MARCHF1: variants seen among roughly 807,000 people sequenced by gnomAD.
MARCHF1 encodes the protein E3 ubiquitin-protein ligase MARCHF1.
A neutral mutation model predicts 54.2 loss-of-function variants in MARCHF1; 40 were observed. That is an observed-to-expected ratio of 0.74 (90% CI 0.57 to 0.96). The LOEUF (loss-of-function observed/expected upper bound fraction) is 0.96. MARCHF1 is among the 40% of genes least tolerant of loss of function. The pLI, the probability that MARCHF1 is intolerant of heterozygous loss-of-function variation, is 0.00. For synonymous variants in MARCHF1, 236 were observed against 236.3 expected (o/e 1.00, Z 0.01); for missense variants, 586 against 656.5 (o/e 0.89, Z 1.17).
intron 5 of MARCHF1, among the ~76,000 whole-genome samples, chr4:163,650,264 T>C (rs1399083292): frequency 6.6e-6 from 1 of 151,868 alleles, no homozygotes; most frequent in Non-Finnish European, 1.5e-5. Flanking sequence ...ATGCAACTAA[T>C]AAAAAGGATA....
intron 1 of MARCHF1, among the ~76,000 whole-genome samples, chr4:164,140,537 T>A (rs1208116820): frequency 3.3e-5 from 5 of 152,116 alleles, no homozygotes; most frequent in African/African-American, 1.2e-4. Context: ...TACCCCTCAC[T>A]AATTCCTGTT....
intron 3 of MARCHF1, among the ~76,000 whole-genome samples, chr4:163,951,045 G>A (rs1347666443): frequency 6.6e-6 from 1 of 152,030 alleles, no homozygotes; most frequent in Non-Finnish European, 1.5e-5. Flanking sequence ...CAAAAAATGA[G>A]AGCACACAAA....
chr4:164,241,993 A>G (rs542558679), intron 1 of MARCHF1, among the ~76,000 whole-genome samples: 32 of 152,310 alleles, frequency 2.1e-4, no homozygotes, highest in Admixed American at 2.6e-4. Flanking sequence ...ACGGAGACTC[A>G]CTGATTGCTA....
chr4:163,900,442 C>T (rs918300121), intron 3 of MARCHF1, among the ~76,000 whole-genome samples: 1 of 151,828 alleles, frequency 6.6e-6, no homozygotes, highest in Non-Finnish European at 1.5e-5. Context: ...AATGCAAAAT[C>T]CTTATATAGT....
At chr4:163,974,427 T>G (rs1752610236) in intron 3 of MARCHF1, among the ~76,000 whole-genome samples, 1 of 152,196 alleles carries the variant, frequency 6.6e-6, no homozygotes, top group Non-Finnish European at 1.5e-5. Flanking sequence ...CTTAGACTCT[T>G]TGTAACCCAC....
intron 1 of MARCHF1, among the ~76,000 whole-genome samples, chr4:164,382,405 A>G (rs1416502393): frequency 6.6e-6 from 1 of 152,218 alleles, no homozygotes; most frequent in Non-Finnish European, 1.5e-5. Context: ...GCTTTCTTAT[A>G]CCATAGCATT....
chr4:163,942,151 G>A (rs894854458), intron 3 of MARCHF1, among the ~76,000 whole-genome samples: 1 of 152,092 alleles, frequency 6.6e-6, no homozygotes, highest in Non-Finnish European at 1.5e-5. Context: ...GTTACAGCCT[G>A]CTTTTATAAA....
intron 1 of MARCHF1, among the ~76,000 whole-genome samples, chr4:164,266,993 G>A (rs541092306): frequency 9.8e-5 from 15 of 152,308 alleles, no homozygotes; most frequent in African/African-American, 3.6e-4. Flanking sequence ...AGTGTGGGGT[G>A]ACATGATGTC....
At chr4:163,924,354 A>T (rs1751494405) in intron 3 of MARCHF1, among the ~76,000 whole-genome samples, 1 of 152,078 alleles carries the variant, frequency 6.6e-6, no homozygotes, top group Non-Finnish European at 1.5e-5. Flanking sequence ...AAGAAAAATC[A>T]TGAGCTAAGG....
chr4:163,625,980 C>G (rs1467729288), intron 5 of MARCHF1, among the ~76,000 whole-genome samples: 1 of 152,062 alleles, frequency 6.6e-6, no homozygotes, highest in Non-Finnish European at 1.5e-5. Context: ...ATTTGTTCAT[C>G]CCTTTATTAG....
At chr4:164,045,692 A>C (rs1321338727) in intron 2 of MARCHF1, among the ~76,000 whole-genome samples, 1 of 147,194 alleles carries the variant, frequency 6.8e-6, no homozygotes, top group Non-Finnish European at 1.5e-5. Context: ...AAAAAAAAAA[A>C]CAGCAAAATA....
chr4:163,733,159 C>T (rs1207276752), intron 4 of MARCHF1, among the ~76,000 whole-genome samples: 1 of 101,706 alleles, frequency 9.8e-6, no homozygotes, highest in East Asian at 2.6e-4. Context: ...TTCTCTCTCT[C>T]TCTCTCTCTG....
intron 8 of MARCHF1, chr4:163,585,534 T>C: frequency 5.3e-6 from 2 of 376,984 alleles, no homozygotes; most frequent in Non-Finnish European, 9.5e-6. Flanking sequence ...GAAAGTAATA[T>C]ATCAATCAGA....
intron 1 of MARCHF1, among the ~76,000 whole-genome samples, chr4:164,351,586 G>C (rs1314051599): frequency 6.6e-6 from 1 of 152,114 alleles, no homozygotes; most frequent in Non-Finnish European, 1.5e-5. Flanking sequence ...AAACAGAAAG[G>C]ACATCCACAC....
rs569344543 is a variant in MARCHF1, at chr4:163,926,289, G to A, written c.-39+62212C>T. On this transcript the variant is annotated intron_variant, in intron 3 of 9. Transcript: ENST00000514618. Reference sequence around the variant, plus strand: ...TAGTGACTGGCTGCTTTCACTTAATGTACTGTAAGATTCATCCACATTTTT... The same window carrying A: ...TAGTGACTGGCTGCTTTCACTTAATATACTGTAAGATTCATCCACATTTTT... Among the ~76,000 whole-genome samples the A allele has an allele frequency of 1.5e-3, 233 of 151,716 alleles. 1 individual carries two copies. Among genetic ancestry groups the A allele is most frequent in the African/African-American group, 5.4e-3 (226 of 41,510 alleles).
intron 3 of MARCHF1, among the ~76,000 whole-genome samples, chr4:163,960,955 C>T (rs1209184879): frequency 6.6e-6 from 1 of 151,888 alleles, no homozygotes; most frequent in Non-Finnish European, 1.5e-5. Flanking sequence ...GACAGCCACC[C>T]TGTCACTGTG....
At chr4:164,167,882 A>T (rs542371496) in intron 1 of MARCHF1, among the ~76,000 whole-genome samples, 3 of 152,012 alleles carry the variant, frequency 2.0e-5, no homozygotes, top group Non-Finnish European at 4.4e-5. Flanking sequence ...TGGATGTCAC[A>T]TTAAAAGCTC....
chr4:163,690,678 A>T (rs115537510), intron 5 of MARCHF1, among the ~76,000 whole-genome samples: 1 of 152,228 alleles, frequency 6.6e-6, no homozygotes, highest in Admixed American at 6.5e-5. Context: ...TGAAGAAAAA[A>T]GGAGGGGATA....
intron 1 of MARCHF1, among the ~76,000 whole-genome samples, chr4:164,142,986 T>C (rs1193686641): frequency 2.6e-5 from 4 of 151,726 alleles, no homozygotes; most frequent in African/African-American, 9.7e-5. Context: ...ACGGAGCTGA[T>C]GGAGCTGAAA....
Sources: allele counts gnomAD v4.1 joint callset (sites outside exome capture counted in the v4.1 genomes callset), GRCh38; gene constraint gnomAD v4.1.1; transcripts MANE v1.5; gene names NCBI Gene and HGNC (gene_info 2026-07-23, HGNC 2026-07-21).